The following GPR143 variants were observed in gnomAD, a reference collection of about 807,000 sequenced individuals.
GPR143 encodes the protein G-protein coupled receptor 143.
GPR143 carries 8 observed loss-of-function variants against 27.6 expected under a neutral mutation model. The ratio of observed to expected loss-of-function variants is 0.29; its 90% CI spans 0.17 to 0.52. The LOEUF (loss-of-function observed/expected upper bound fraction) is 0.52, where lower values mean the gene tolerates loss of function less well. Ranked by LOEUF, GPR143 falls within the 20% of genes least tolerant of loss-of-function variation. The probability of loss-of-function intolerance (pLI) is 0.96; values close to 1 mark genes in which losing one functional copy is unlikely to be tolerated. For missense variants in GPR143, 303 were observed against 343.1 expected, an observed-to-expected ratio of 0.88 and a Z score of 0.92; for synonymous variants, 156 against 153.2, an observed-to-expected ratio of 1.02 and a Z score of -0.13.
chrX:9,738,589 A>G (rs2083388325), intron 8 of GPR143: 1 of 576,081 alleles, frequency 1.7e-6, no homozygotes, highest in East Asian at 1.7e-4. Flanking sequence ...TTGTCACCTG[A>G]AAGTGAAACT....
At chrX:9,767,243 AAAAG>A (rs1159065583), upstream of GPR143, among the ~76,000 whole-genome samples, 2 of 110,129 alleles carry the variant, frequency 1.8e-5, no homozygotes, top group Non-Finnish European at 3.8e-5. Context: ...TTATTTTAAA[AAAAG>A]AAAAGAAAAA....
chrX:9,735,714 T>A (rs1423613118), intron 8 of GPR143, among the ~76,000 whole-genome samples: 1 of 111,987 alleles, frequency 8.9e-6, no homozygotes, highest in Non-Finnish European at 1.9e-5. Context: ...CCAGACACCA[T>A]ATCAGATACT....
upstream of GPR143, chrX:9,766,099 C>A: frequency 9.1e-6 from 2 of 220,188 alleles, no homozygotes; most frequent in Non-Finnish European, 1.7e-5. Context: ...GAAGGAGAAG[C>A]AGAAAGGTTG....
chrX:9,777,392 G>A (rs1414233024), intron 1 of GPR143, among the ~76,000 whole-genome samples: 1 of 111,830 alleles, frequency 8.9e-6, no homozygotes, highest in African/African-American at 3.2e-5. Context: ...GGGTGACATG[G>A]TGTGATCCTG....
chrX:9,725,800 T>G lies in GPR143; in HGVS notation c.1161A>C (p.Glu387Asp), dbSNP rs1170590449. The change falls in exon 9 of 9, where the codon GAA (glutamate) becomes GAC (aspartate). Residue 387 changes from glutamate to aspartate, a missense_variant. Transcript: ENST00000467482. ...ASTIEIHTASESCNKNEGDPA... is the reference protein window; with the variant it reads ...ASTIEIHTASDSCNKNEGDPA... ...GGTCACCCTCATTTTTGTTGCAGGA[T>G]TCACTTGCAGTGTGAATTTCAATTG... 10 of 1,210,209 alleles carry G rather than the reference T, an allele frequency of 8.3e-6. No individual in the cohort carries two copies. The highest frequency in any genetic ancestry group is 8.9e-6 in the Non-Finnish European group (8 of 894,683).
chrX:9,778,435 CT>C (rs1416139729), intron 1 of GPR143, among the ~76,000 whole-genome samples: 10 of 30,282 alleles, frequency 3.3e-4, no homozygotes, highest in Non-Finnish European at 7.6e-4. Context: ...CTCGCTCATG[CT>C]CAGTTGGGGT....
intron 1 of GPR143, among the ~76,000 whole-genome samples, chrX:9,761,035 T>A (rs2083497239): frequency 9.0e-6 from 1 of 111,310 alleles, no homozygotes; most frequent in Non-Finnish European, 1.9e-5. Context: ...TATTTGTGTG[T>A]GCAGAGAGAG....
intron 8 of GPR143, among the ~76,000 whole-genome samples, chrX:9,727,192 C>G (rs1187784376): frequency 8.8e-6 from 1 of 113,158 alleles, no homozygotes; most frequent in Non-Finnish European, 1.9e-5. Context: ...TGCCTTTTAA[C>G]CAATCGAACA....
chrX:9,759,284 C>T, intron 3 of GPR143, 48 bp downstream of exon 3: 2 of 786,560 alleles, frequency 2.5e-6, no homozygotes, highest in South Asian at 4.4e-5. Context: ...CTCTTATCTT[C>T]CCTCTAAAAT....
At chrX:9,727,435 G>A (rs1309280733) in intron 8 of GPR143, among the ~76,000 whole-genome samples, 3 of 112,996 alleles carry the variant, frequency 2.7e-5, no homozygotes, top group African/African-American at 9.6e-5. Context: ...GAGAACTGGT[G>A]TGCAAGCCAG....
chrX:9,733,709 A>C lies in GPR143; in HGVS notation c.1120+5776T>G, dbSNP rs190155910. Among the ~76,000 whole-genome samples the C allele has an allele frequency of 4.8e-4, 54 of 111,742 alleles. No homozygotes were observed. In the Admixed American group the frequency reaches 4.9e-3, roughly 10 times the overall value. On this transcript the variant is annotated intron_variant, in intron 8 of 8. Coordinates refer to ENST00000467482, the MANE Select transcript of GPR143 (RefSeq NM_000273.3). ...AGGGACAGGCAGGGAATTGTGGTAG[A>C]GAATGGAGACTTGTGGGAGAGAACA...
At chrX:9,772,549 G>A (rs760346099) in intron 1 of GPR143, among the ~76,000 whole-genome samples, 2 of 111,519 alleles carry the variant, frequency 1.8e-5, no homozygotes, top group South Asian at 3.7e-4. Context: ...TGACCTGGGC[G>A]CAGTGGCTTA....
Position 9,725,837 on chromosome X carries a change from G to C in GPR143, c.1124C>G (p.Ser375Cys). ...GTGAATTTCAATTGTGCTGGCATCA[G>C]AACCTGGAGAGGAAAAGACAAAAGA... ...DEALSMLSEGSDASTIEIHTA... is the reference protein window; with the variant it reads ...DEALSMLSEGCDASTIEIHTA... Residue 375 changes from serine to cysteine, a missense_variant, in exon 9 of 9, where the codon TCT (serine) becomes TGT (cysteine). Physicochemically the swap from Ser to Cys is moderately radical, Grantham distance 112. Coordinates refer to ENST00000467482, the MANE Select transcript of GPR143 (RefSeq NM_000273.3). 8.3e-7 allele frequency: 1 copy of C among 1,209,051 alleles called. No homozygotes were observed. The highest frequency in any genetic ancestry group is 1.1e-6 in the Non-Finnish European group (1 of 894,145).
intron 1 of GPR143, among the ~76,000 whole-genome samples, chrX:9,774,487 G>T (rs1036785075): frequency 1.8e-5 from 2 of 112,537 alleles, no homozygotes; most frequent in Admixed American, 1.9e-4. Context: ...GCCTGCCCCT[G>T]GGGGTGGGCA....
intron 5 of GPR143, among the ~76,000 whole-genome samples, chrX:9,745,484 G>A (rs767441716): frequency 2.2e-3 from 241 of 112,016 alleles, no homozygotes; most frequent in Middle Eastern, 9.3e-3. Context: ...ACACTTCCTT[G>A]AGGGGAAAGT....
chrX:9,726,435 A>C (rs1413707081), intron 8 of GPR143, among the ~76,000 whole-genome samples: 1 of 111,590 alleles, frequency 9.0e-6, no homozygotes, highest in African/African-American at 3.3e-5. Flanking sequence ...TGGAAAACTC[A>C]TCTCTCAATG....
rs201596200 is a variant in GPR143, at chrX:9,746,047, C to T, written c.655G>A (p.Ala219Thr). The change falls in exon 5 of 9, where the codon GCA becomes ACA. Residue 219 changes from alanine to threonine, a missense_variant. Coordinates refer to ENST00000467482, the MANE Select transcript of GPR143 (RefSeq NM_000273.3). Reference protein sequence around the residue: ...NPILFQKTVTAVASLLKGRQG... With the variant: ...NPILFQKTVTTVASLLKGRQG... ...AGAGAGCTTCCCTAGTATTTACCTG[C>T]AGTCACTGTCTTTTGGAACAGGATG... is the stretch of plus-strand genomic sequence containing the variant. 1.6e-5 allele frequency: 18 copies of T among 1,148,021 alleles called. No homozygotes were observed. Among genetic ancestry groups the T allele is most frequent in the African/African-American group, 8.9e-5 (5 of 55,911 alleles). The allele number at this position is 1,148,021 out of a possible 1,213,427, so 94.6% of individuals were successfully genotyped here.
intron 8 of GPR143, among the ~76,000 whole-genome samples, chrX:9,728,243 A>C (rs1448369726): frequency 9.0e-6 from 1 of 110,793 alleles, no homozygotes; most frequent in African/African-American, 3.3e-5. Context: ...AAACATGGGG[A>C]ATGGGTCAGT....
chrX:9,772,402 C>T lies in GPR143; in HGVS notation c.-2-11576G>A, dbSNP rs749856247. On this transcript the variant is annotated intron_variant, in intron 1 of 7. Coordinates refer to the GPR143 transcript ENST00000447366. ...CACACTCCATTTTAAATGCTTTCTC[C>T]GTAAAAGTCAACTAGTCAGTTGTTA... 8.1e-5 allele frequency among the ~76,000 whole-genome samples: 9 copies of T among 111,732 alleles called. No individual in the cohort carries two copies. The South Asian group carries it at 1.5e-3, about 19-fold the overall frequency.
Sources: gnomAD v4.1 joint callset for allele counts (sites outside exome capture counted in the v4.1 genomes callset) on GRCh38, gnomAD v4.1.1 for gene constraint, MANE v1.5 for transcripts, NCBI Gene and HGNC (gene_info 2026-07-23, HGNC 2026-07-21) for gene names.